The following SPATA46 variants were observed in gnomAD, a reference collection of about 807,000 sequenced individuals.
The protein encoded by SPATA46 is spermatogenesis-associated protein 46.
A neutral mutation model predicts 6.2 loss-of-function variants in SPATA46; 3 were observed. The ratio of observed to expected loss-of-function variants is 0.48; its 90% CI spans 0.22 to 1.25. SPATA46 has a LOEUF of 1.25. Ranked by LOEUF, SPATA46 falls within the 50% of genes most tolerant of loss-of-function variation. The probability of loss-of-function intolerance (pLI) is 0.20; values close to 1 mark genes in which losing one functional copy is unlikely to be tolerated. For synonymous variants in SPATA46, 117 were observed against 123.3 expected (o/e 0.95, Z 0.34); for missense variants, 308 against 323.5 (o/e 0.95, Z 0.37).
rs1179291284 is a variant in SPATA46, at chr1:162,374,296, G to A, written c.538C>T (p.Gln180Ter). The change falls in exon 3 of 3, where the codon CAG (glutamine) becomes TAG (stop). Residue 180 changes from glutamine to a stop codon, truncating the protein, a stop_gained. Coordinates refer to ENST00000367935, the MANE Select transcript of SPATA46 (RefSeq NM_182581.4). LOFTEE classifies it low-confidence loss of function (END_TRUNC). The stretch of plus-strand genomic sequence containing the variant: ...CAGGCCACGCACTTGTAGCCATTCT[G>A]CTGTGCTGGGTGCCACCTGGAAGCC... The part of the protein sequence containing the change: ...LMASRWHPAQ[Q>*]NGYKCVACCR... 6.2e-7 allele frequency: 1 copy of A among 1,614,164 alleles called. No homozygotes were observed. The highest frequency in any genetic ancestry group is 1.7e-5 in the Admixed American group (1 of 60,028).
Position 162,374,265 on chromosome 1 carries a change from C to G in SPATA46, c.569G>C (p.Arg190Pro), listed in dbSNP as rs370013612. Reference protein sequence around the residue: ...QNGYKCVACCRMYPTLDFLKS... With the variant: ...QNGYKCVACCPMYPTLDFLKS... Reference sequence around the variant, plus strand: ...GAGGAAGTCCAGGGTGGGGTACATGCGGCAGCAGGCCACGCACTTGTAGCC... The same window carrying G: ...GAGGAAGTCCAGGGTGGGGTACATGGGGCAGCAGGCCACGCACTTGTAGCC... Residue 190 changes from arginine to proline, a missense_variant, in exon 3 of 3, where the codon CGC (arginine) becomes CCC (proline). Coordinates refer to ENST00000367935, the MANE Select transcript of SPATA46 (RefSeq NM_182581.4). The G allele has an allele frequency of 1.1e-5, 17 of 1,613,940 alleles. No individual in the cohort carries two copies. Among genetic ancestry groups the G allele is most frequent in the Non-Finnish European group, 1.4e-5 (16 of 1,179,870 alleles).
chr1:162,375,506 A>G, intron 1 of SPATA46, 103 bp from the exon 2 acceptor site: 1 of 812,422 alleles, frequency 1.2e-6, no homozygotes, highest in South Asian at 1.5e-5. Flanking sequence ...ACTTCAAGGC[A>G]TCTCAACGCT....
Position 162,373,518 on chromosome 1 carries a change from C to T in SPATA46, c.*530G>A, listed in dbSNP as rs950165142. ...CCATCTGCCTCTTACCTGCCTTATA[C>T]TCAGAGGCATATTTTCCTCCACATT... On this transcript the variant is annotated 3_prime_UTR_variant, in exon 3 of 3. Transcript: ENST00000367935. 3 of 152,614 alleles carry T rather than the reference C, an allele frequency of 2.0e-5. No homozygotes were observed. The highest frequency in any genetic ancestry group is 7.2e-5 in the African/African-American group (3 of 41,416). 9.5% of individuals were successfully genotyped at this position (152,614 alleles called of 1,614,324 possible).
rs140204545 is a variant in SPATA46 at position 162,376,773 on chromosome 1, G to A, written c.18C>T (p.Leu6=). MENFS[L]LSISGPPISS... ...AGATTGGAGGTCCAGAGATGCTGAG[G>A]AGTGAGAAGTTCTCCATATTCTGAC... Residue 6 remains leucine (L), a synonymous_variant, in exon 1 of 3, where the codon CTC becomes CTT. Coordinates refer to ENST00000367935, the MANE Select transcript of SPATA46 (RefSeq NM_182581.4). 459 of 1,614,090 alleles carry A rather than the reference G, an allele frequency of 2.8e-4. 3 individuals carry two copies. In the African/African-American group the frequency reaches 5.3e-3, roughly 19 times the overall value.
Position 162,373,237 on chromosome 1 carries a change from T to A in SPATA46, c.*811A>T, listed in dbSNP as rs1647484253. On this transcript the variant is annotated 3_prime_UTR_variant, in exon 3 of 3. Coordinates refer to ENST00000367935, the MANE Select transcript of SPATA46 (RefSeq NM_182581.4). Reference sequence around the variant, plus strand: ...GTCTCTGCTGCATCCCTGATGCTTATCCATCTTTCTGGGTCAGATGGACCA... The same window carrying A: ...GTCTCTGCTGCATCCCTGATGCTTAACCATCTTTCTGGGTCAGATGGACCA... 1.3e-5 allele frequency: 2 copies of A among 152,206 alleles called. No homozygotes were observed. The highest frequency in any genetic ancestry group is 4.1e-4 in the South Asian group (2 of 4,828). The allele number at this position is 152,206 out of a possible 1,614,324, so 9.4% of individuals were successfully genotyped here.
In SPATA46 at chr1:162,373,521, A is replaced by C. The variant is rs164156; in HGVS notation, c.*527T>G. ...TCTGCCTCTTACCTGCCTTATACTC[A>C]GAGGCATATTTTCCTCCACATTCCC... On this transcript the variant is annotated 3_prime_UTR_variant, in exon 3 of 3. Coordinates refer to ENST00000367935, the MANE Select transcript of SPATA46 (RefSeq NM_182581.4). 39,278 of 152,516 alleles carry C rather than the reference A, an allele frequency of 0.26. 5,176 individuals are homozygous for C. Among genetic ancestry groups the C allele is most frequent in the Middle Eastern group, 0.33 (98 of 294 alleles). 9.4% of individuals were successfully genotyped at this position (152,516 alleles called of 1,614,324 possible).
chr1:162,375,168 T>C, intron 2 of SPATA46, 122 bp downstream of exon 2: 2 of 791,844 alleles, frequency 2.5e-6, no homozygotes, highest in South Asian at 3.2e-5. Context: ...GATAGGAGGC[T>C]GCAGGTGACA....
rs142892903 is a variant in SPATA46, at chr1:162,374,071, C to T, written c.763G>A (p.Gly255Ser). The T allele has an allele frequency of 2.5e-3, 4,095 of 1,608,972 alleles. 63 individuals carry two copies. Among genetic ancestry groups the T allele is most frequent in the South Asian group, 0.023 (2,054 of 90,214 alleles). The change falls in exon 3 of 3, where the codon GGT becomes AGT. Residue 255 changes from glycine (G) to serine (S), a missense_variant. Physicochemically the swap from Gly to Ser is moderately conservative, Grantham distance 56. Transcript: ENST00000367935. ...CTCTAGAGACATAAGTAGGCTTCAC[C>T]GCCAATTTGCCTAAGGTGTTCAGCA... ...SPAEHLRQIG[G>S]EAYLCL
chr1:162,375,240 T>C, intron 2 of SPATA46, 50 bp downstream of exon 2: 1 of 1,505,270 alleles, frequency 6.6e-7, no homozygotes, highest in Non-Finnish European at 9.2e-7. Flanking sequence ...CAGCCCCTTT[T>C]CATCCTTAGC....
At chr1:162,374,700 C>T in intron 2 of SPATA46, 84 bp from the exon 3 acceptor site, 1 of 1,413,694 alleles carries the variant, frequency 7.1e-7, no homozygotes, top group South Asian at 1.4e-5. Flanking sequence ...AGAAGGCAAA[C>T]ATCAGGCATG....
Position 162,374,248 on chromosome 1 carries a change from C to A in SPATA46, c.586G>T (p.Asp196Tyr). The A allele has an allele frequency of 6.2e-7, 1 of 1,613,840 alleles. No individual in the cohort carries two copies. Among genetic ancestry groups the A allele is most frequent in the Non-Finnish European group, 8.5e-7 (1 of 1,179,780 alleles). ...VACCRMYPTL[D>Y]FLKSHIKRGF... ...CTCTTGATGTGGCTCTTGAGGAAGT[C>A]CAGGGTGGGGTACATGCGGCAGCAG... Residue 196 changes from aspartate (D) to tyrosine (Y), a missense_variant, in exon 3 of 3, where the codon GAC becomes TAC. Coordinates refer to ENST00000367935, the MANE Select transcript of SPATA46 (RefSeq NM_182581.4).
chr1:162,374,222 C>G lies in SPATA46; in HGVS notation c.612G>C (p.Arg204Ser). Residue 204 changes from arginine to serine, a missense_variant, in exon 3 of 3, where the codon AGG (arginine) becomes AGC (serine). Coordinates refer to ENST00000367935, the MANE Select transcript of SPATA46 (RefSeq NM_182581.4). Reference protein sequence around the residue: ...TLDFLKSHIKRGFREGFSCKV... With the variant: ...TLDFLKSHIKSGFREGFSCKV... ...TGCAGCTGAAGCCCTCCCTGAAGCCCCTCTTGATGTGGCTCTTGAGGAAGT... is the reference window on the plus strand; with the variant it reads ...TGCAGCTGAAGCCCTCCCTGAAGCCGCTCTTGATGTGGCTCTTGAGGAAGT... The G allele has an allele frequency of 1.2e-6, 2 of 1,613,886 alleles. No individual in the cohort carries two copies. Among genetic ancestry groups the G allele is most frequent in the Non-Finnish European group, 1.7e-6 (2 of 1,179,776 alleles).
chr1:162,374,230 T>C lies in SPATA46; in HGVS notation c.604A>G (p.Ile202Val). ...AAGCCCTCCCTGAAGCCCCTCTTGA[T>C]GTGGCTCTTGAGGAAGTCCAGGGTG... The part of the protein sequence containing the change: ...YPTLDFLKSH[I>V]KRGFREGFSC... Residue 202 changes from isoleucine (I) to valine (V), a missense_variant, in exon 3 of 3, where the codon ATC becomes GTC. Ile to Val is a conservative substitution (Grantham distance 29). Coordinates refer to ENST00000367935, the MANE Select transcript of SPATA46 (RefSeq NM_182581.4). 1.2e-6 allele frequency: 2 copies of C among 1,613,888 alleles called. No homozygotes were observed. Among genetic ancestry groups the C allele is most frequent in the Non-Finnish European group, 1.7e-6 (2 of 1,179,812 alleles).
At chr1:162,375,224 G>T in intron 2 of SPATA46, 66 bp downstream of exon 2, 1 of 1,374,052 alleles carries the variant, frequency 7.3e-7, no homozygotes, top group Non-Finnish European at 1.0e-6. Context: ...TGCTTCCTTA[G>T]GGAAGCAGCC....
In SPATA46 at chr1:162,373,270, C is replaced by G. The variant is rs575570167; in HGVS notation, c.*778G>C. 3 of 152,340 alleles carry G rather than the reference C, an allele frequency of 2.0e-5. No individual in the cohort carries two copies. Among genetic ancestry groups the G allele is most frequent in the East Asian group, 3.9e-4 (2 of 5,180 alleles). The allele number at this position is 152,340 out of a possible 1,614,324, so 9.4% of individuals were successfully genotyped here. ...TCTGGGTCAGATGGACCAGGAGGTT[C>G]ACTCAGAAATGGAGGCAGAGTCAGG... On this transcript the variant is annotated 3_prime_UTR_variant, in exon 3 of 3. Coordinates refer to ENST00000367935, the MANE Select transcript of SPATA46 (RefSeq NM_182581.4).
intron 2 of SPATA46, among the ~76,000 whole-genome samples, 184 bp from the exon 3 acceptor site, chr1:162,374,800 G>A (rs746217236): frequency 6.6e-6 from 1 of 152,234 alleles, no homozygotes; most frequent in African/African-American, 2.4e-5. Context: ...CCTTCTCACT[G>A]CATTCTTTTT....
rs144712469 is a variant in SPATA46, at chr1:162,375,370, G to C, written c.137C>G (p.Ser46Cys). The change falls in exon 2 of 3, where the codon TCC becomes TGC. Residue 46 changes from serine to cysteine, a missense_variant. Physicochemically the swap from Ser to Cys is moderately radical, Grantham distance 112. Transcript: ENST00000367935. ...IAKTAVPTEA[S>C]SPAQALPPQY... ...GGGTGGCAGGGCCTGAGCTGGGCTG[G>C]ATGCCTCAGTGGGTACTGCTGTCTT... The C allele has an allele frequency of 3.7e-4, 591 of 1,614,110 alleles. No individual in the cohort carries two copies. The African/African-American group carries it at 6.4e-3, about 17-fold the overall frequency.
In SPATA46 at chr1:162,376,844, C is replaced by A; in HGVS notation, c.-54G>T. The A allele has an allele frequency of 6.3e-7, 1 of 1,592,676 alleles. No homozygotes were observed. ...CACACGCCTGCTCTGGAGAGGCTGGCTGGTTTGTCCAGAGGATAAACATTC... is the reference window on the plus strand; with the variant it reads ...CACACGCCTGCTCTGGAGAGGCTGGATGGTTTGTCCAGAGGATAAACATTC... On this transcript the variant is annotated 5_prime_UTR_variant, in exon 1 of 3. Coordinates refer to ENST00000367935, the MANE Select transcript of SPATA46 (RefSeq NM_182581.4).
intron 1 of SPATA46, among the ~76,000 whole-genome samples, chr1:162,375,940 C>A (rs1473510955): frequency 6.6e-6 from 1 of 152,124 alleles, no homozygotes; most frequent in Non-Finnish European, 1.5e-5. Context: ...GTTTGGGGGA[C>A]AAATTTATAA....
Sources: allele counts gnomAD v4.1 joint callset (sites outside exome capture counted in the v4.1 genomes callset), GRCh38; gene constraint gnomAD v4.1.1; transcripts MANE v1.5; gene names NCBI Gene and HGNC (gene_info 2026-07-23, HGNC 2026-07-21).